SLC1A1: variants seen among roughly 807,000 people sequenced by gnomAD.
The protein encoded by SLC1A1 is excitatory amino acid transporter 3.
Under a neutral mutation model 53.3 loss-of-function variants are expected in SLC1A1, and 43 were observed. The observed-to-expected ratio is 0.81, with a 90% CI of 0.63 to 1.04. The LOEUF is 1.04. SLC1A1 is among the 50% of genes least tolerant of loss of function. The pLI is 0.00. For missense variants in SLC1A1, 748 were observed against 664.9 expected (o/e 1.12, Z -1.37); for synonymous variants, 307 against 243.2 (o/e 1.26, Z -2.44).
At position 4,549,872 on chromosome 9, in the gene SLC1A1, T is replaced by G. The variant is rs1817786589; in HGVS notation, c.232+5165T>G. On this transcript the variant is annotated intron_variant, in intron 2 of 11. Coordinates refer to ENST00000262352, the MANE Select transcript of SLC1A1 (RefSeq NM_004170.6). This position sits in a 1 kb window ranked among gnomAD's most constrained non-coding sequence, Gnocchi z 4.1. ...GCTGGGCCAAGTCCATGCCAGTTCC[T>G]GTGCACATTTCTTCCTCCAGAGCAA... Among the ~76,000 whole-genome samples, 1 of 152,220 alleles carries G rather than the reference T, an allele frequency of 6.6e-6. No homozygotes were observed. Among genetic ancestry groups the G allele is most frequent in the Non-Finnish European group, 1.5e-5 (1 of 68,034 alleles).
chr9:4,502,503 T>C (rs776856262), intron 1 of SLC1A1, among the ~76,000 whole-genome samples: 3 of 148,114 alleles, frequency 2.0e-5, no homozygotes, highest in Non-Finnish European at 4.5e-5. Context: ...CCAACCCTAA[T>C]ATCAATATTT....
At chr9:4,540,793 G>T (rs952379899) in intron 1 of SLC1A1, among the ~76,000 whole-genome samples, 2 of 152,198 alleles carry the variant, frequency 1.3e-5, no homozygotes, top group Non-Finnish European at 2.9e-5. Context: ...CAAAAGCACA[G>T]GCAGCTTTCT....
Position 4,585,734 on chromosome 9 carries a change from A to G in SLC1A1, c.*176A>G. On this transcript the variant is annotated 3_prime_UTR_variant, in exon 12 of 12. Transcript: ENST00000262352. ...CAGCCTTTGCGCTCTGGGTTTTGGG[A>G]TTTGGGTGTGGGGTAAGTTGAAGGG... 3.9e-6 allele frequency: 3 copies of G among 770,140 alleles called. No individual in the cohort carries two copies. Among genetic ancestry groups the G allele is most frequent in the South Asian group, 1.8e-5 (1 of 56,088 alleles). 47.7% of individuals were successfully genotyped at this position (770,140 alleles called of 1,614,324 possible). A position where few individuals can be genotyped will look rare whatever the true frequency, so the allele number is the denominator to read the frequency against.
At chr9:4,498,807 A>AT (rs1554674065) in intron 1 of SLC1A1, among the ~76,000 whole-genome samples, 2 of 149,628 alleles carry the variant, frequency 1.3e-5, no homozygotes, top group African/African-American at 4.9e-5. Flanking sequence ...TCTGCAAAAA[A>AT]ATATATATAT....
intron 8 of SLC1A1, among the ~76,000 whole-genome samples, chr9:4,574,445 C>G (rs746442989): frequency 6.6e-6 from 1 of 152,152 alleles, no homozygotes; most frequent in Non-Finnish European, 1.5e-5. Flanking sequence ...CAAGTAGGAG[C>G]AGGATGGCTG....
Position 4,583,948 on chromosome 9 carries a change from C to T in SLC1A1, c.1328+776C>T, listed in dbSNP as rs1821354906. ...AGCAGAACATCTGGGTGAGAAAGTACCTTCAGTGACCCTCAAGGTTAAAGT... is the reference window on the plus strand; with the variant it reads ...AGCAGAACATCTGGGTGAGAAAGTATCTTCAGTGACCCTCAAGGTTAAAGT... On this transcript the variant is annotated intron_variant, in intron 11 of 11. Transcript: ENST00000262352. This position sits in a 1 kb window ranked among gnomAD's most constrained non-coding sequence, Gnocchi z 4.6. Among the ~76,000 whole-genome samples, 1 of 151,344 alleles carries T rather than the reference C, an allele frequency of 6.6e-6. No individual in the cohort carries two copies. The highest frequency in any genetic ancestry group is 2.4e-5 in the African/African-American group (1 of 41,136).
intron 10 of SLC1A1, among the ~76,000 whole-genome samples, chr9:4,577,976 T>G (rs1301575700): frequency 6.6e-6 from 1 of 152,168 alleles, no homozygotes; most frequent in Non-Finnish European, 1.5e-5. Context: ...AATGCCAGGA[T>G]GACTCCCAGG....
In SLC1A1 at chr9:4,583,161, C is replaced by T. The variant is rs371758046; in HGVS notation, c.1317C>T (p.Val439=). ...AGGATGTCACCCTGATCATTGCTGT[C>T]GACTGGCTCCTGTGAGTTGGAATAA... The part of the protein sequence containing the change: ...PAEDVTLIIA[V]DWLLDRFRTM... The change falls in exon 11 of 12, where the codon GTC becomes GTT. Residue 439 remains valine, a synonymous_variant. Coordinates refer to ENST00000262352, the MANE Select transcript of SLC1A1 (RefSeq NM_004170.6). The surrounding 1 kb of genome is among the most constrained non-coding windows in gnomAD (Gnocchi z 4.6). 1.2e-5 allele frequency: 20 copies of T among 1,614,086 alleles called. No individual in the cohort carries two copies. In the Admixed American group the frequency reaches 1.3e-4, roughly 11 times the overall value.
At chr9:4,542,462 T>C (rs557721476) in intron 1 of SLC1A1, among the ~76,000 whole-genome samples, 1 of 152,334 alleles carries the variant, frequency 6.6e-6, no homozygotes, top group East Asian at 1.9e-4. Context: ...GAGGCACAGT[T>C]AATCATTAGT....
chr9:4,522,130 C>A (rs1241436299), intron 1 of SLC1A1, among the ~76,000 whole-genome samples: 1 of 147,512 alleles, frequency 6.8e-6, no homozygotes, highest in Non-Finnish European at 1.5e-5. Flanking sequence ...CAGCTCACTG[C>A]AAGCTCTGCC....
chr9:4,575,121 A>ATCTAT (rs1386814122), intron 8 of SLC1A1, among the ~76,000 whole-genome samples: 1 of 152,218 alleles, frequency 6.6e-6, no homozygotes, highest in Non-Finnish European at 1.5e-5. Flanking sequence ...GTCTAACAGG[A>ATCTAT]AACTAAAAGT....
chr9:4,513,686 A>T (rs1821068717), intron 1 of SLC1A1, among the ~76,000 whole-genome samples: 1 of 152,242 alleles, frequency 6.6e-6, no homozygotes, highest in African/African-American at 2.4e-5. Flanking sequence ...ATGGCACAGC[A>T]GTCCCACTCC....
intron 4 of SLC1A1, among the ~76,000 whole-genome samples, chr9:4,564,975 C>G (rs556290320): frequency 2.0e-5 from 3 of 152,338 alleles, no homozygotes; most frequent in East Asian, 3.8e-4. Context: ...TTTGTTAGCT[C>G]ATGGTAATTT....
chr9:4,544,455 A>G lies in SLC1A1; in HGVS notation c.92-112A>G, dbSNP rs112435009. ...TACAGACTCATGGGAAATGATCTAA[A>G]CTATTTTTCTTGCCATTAAAATGTG... On this transcript the variant is annotated intron_variant, in intron 1 of 11. Coordinates refer to ENST00000262352, the MANE Select transcript of SLC1A1 (RefSeq NM_004170.6). 68 of 910,352 alleles carry G rather than the reference A, an allele frequency of 7.5e-5. No individual in the cohort carries two copies. The African/African-American group carries it at 9.2e-4, about 12-fold the overall frequency. The allele number at this position is 910,352 out of a possible 1,614,324, so 56.4% of individuals were successfully genotyped here.
At chr9:4,520,035 G>T (rs181136496) in intron 1 of SLC1A1, among the ~76,000 whole-genome samples, 1 of 152,248 alleles carries the variant, frequency 6.6e-6, no homozygotes, top group Admixed American at 6.5e-5. Context: ...TTTATCTTTA[G>T]ACACTGTAAT....
At chr9:4,580,651 G>GTGTGTGTATGTGTGTA (rs370378540) in intron 10 of SLC1A1, among the ~76,000 whole-genome samples, 70 of 118,836 alleles carry the variant, frequency 5.9e-4, no homozygotes, top group African/African-American at 2.2e-3. Flanking sequence ...GTGTGTGTGT[G>GTGTGTGTATGTGTGTA]TATAAGGAAT....
At chr9:4,575,077 T>A (rs952918323) in intron 8 of SLC1A1, among the ~76,000 whole-genome samples, 1 of 152,184 alleles carries the variant, frequency 6.6e-6, no homozygotes, top group Non-Finnish European at 1.5e-5. Context: ...ATAACCGAGT[T>A]CTGCTGGTTT....
chr9:4,551,317 G>C (rs146710120), intron 2 of SLC1A1, among the ~76,000 whole-genome samples: 1 of 151,898 alleles, frequency 6.6e-6, no homozygotes, highest in African/African-American at 2.4e-5. Context: ...GTGCCTCCCC[G>C]AGACAAGGTT....
At chr9:4,525,026 G>A (rs1372710348) in intron 1 of SLC1A1, among the ~76,000 whole-genome samples, 4 of 152,154 alleles carry the variant, frequency 2.6e-5, no homozygotes, top group Non-Finnish European at 2.9e-5. Context: ...ACCAACCATA[G>A]CAAGACCCAC....
Sources: allele counts gnomAD v4.1 joint callset (sites outside exome capture counted in the v4.1 genomes callset), GRCh38; gene constraint gnomAD v4.1.1; non-coding constraint Gnocchi (gnomAD v3.1); transcripts MANE v1.5; gene names NCBI Gene and HGNC (gene_info 2026-07-23, HGNC 2026-07-21).